Variants in DDX42 observed in about 807,000 individuals in gnomAD.
DDX42 encodes the protein DEAD-box helicase 42.
Under a neutral mutation model 101.5 loss-of-function variants are expected in DDX42, and 22 were observed. That is an observed-to-expected ratio of 0.22 (90% confidence interval 0.15 to 0.31). The LOEUF (loss-of-function observed/expected upper bound fraction) is 0.31. DDX42 is among the 10% of genes least tolerant of loss of function. DDX42 has a pLI of 1.00. For synonymous variants in DDX42, 402 were observed against 401.2 expected (o/e 1.00, Z -0.02); for missense variants, 849 against 1,199.9 (o/e 0.71, Z 4.32).
chr17:63,805,264 T>C (rs974735160), intron 7 of DDX42, 89 bp downstream of exon 7: 24 of 1,476,640 alleles, frequency 1.6e-5, no homozygotes, highest in Non-Finnish European at 2.0e-5. Flanking sequence ...TAACCTTGAA[T>C]TTCTTTTCTA....
intron 15 of DDX42, 68 bp downstream of exon 15, chr17:63,813,522 C>A: frequency 7.1e-7 from 1 of 1,416,368 alleles, no homozygotes; most frequent in Non-Finnish European, 9.7e-7. Context: ...AGTCCTGGAA[C>A]AGATAACATA....
intron 15 of DDX42, 115 bp from the exon 16 acceptor site, chr17:63,815,448 G>A: frequency 1.5e-6 from 1 of 686,102 alleles, no homozygotes; most frequent in East Asian, 2.9e-5. Context: ...GCGTAGTGCT[G>A]GCTGAAAATT....
chr17:63,811,652 T>C (rs1052427392), intron 13 of DDX42: 7 of 536,812 alleles, frequency 1.3e-5, no homozygotes, highest in African/African-American at 1.1e-4. Flanking sequence ...AATTCAGTTA[T>C]GGCTGCTTAG....
intron 16 of DDX42, chr17:63,816,064 G>A (rs1052254404): frequency 6.5e-6 from 1 of 153,172 alleles, no homozygotes. Flanking sequence ...CTAGGTAAAT[G>A]TTGCCAAAGG....
In DDX42 at chr17:63,818,845, T is replaced by C. The variant is rs1306234124; in HGVS notation, c.*447T>C. 1 of 160,522 alleles carries C rather than the reference T, an allele frequency of 6.2e-6. No individual in the cohort carries two copies. The highest frequency in any genetic ancestry group is 1.4e-5 in the Non-Finnish European group (1 of 72,044). The allele number at this position is 160,522 out of a possible 1,614,324, so 9.9% of individuals were successfully genotyped here. ...TGCAAATTCAATCCATTGAGCTAAC[T>C]GTTGGGGAGCAATTTGGTAGTTGTA... On this transcript the variant is annotated 3_prime_UTR_variant, in exon 18 of 18. Transcript: ENST00000389924.
chr17:63,792,325 TATACC>T, intron 2 of DDX42, 82 bp from the exon 3 acceptor site: 1 of 1,412,344 alleles, frequency 7.1e-7, no homozygotes, highest in Non-Finnish European at 9.7e-7. Context: ...AATAATAAGA[TATACC>T]ATAATAAAAA....
intron 7 of DDX42, 112 bp from the exon 8 acceptor site, chr17:63,806,423 A>G (rs1191238837): frequency 8.0e-7 from 1 of 1,255,238 alleles, no homozygotes; most frequent in Non-Finnish European, 1.1e-6. Flanking sequence ...ACAGACTTGT[A>G]TTTTTACTTC....
At chr17:63,801,070 C>T (rs571182798) in intron 6 of DDX42, among the ~76,000 whole-genome samples, 51 of 146,632 alleles carry the variant, frequency 3.5e-4, no homozygotes, top group African/African-American at 1.3e-3. Context: ...CTTTTTCTCT[C>T]TCTCTCTGTC....
chr17:63,777,650 A>T (rs779552993), intron 1 of DDX42, among the ~76,000 whole-genome samples: 1 of 151,754 alleles, frequency 6.6e-6, no homozygotes, highest in South Asian at 2.1e-4. Context: ...GGGTTTCAGC[A>T]TGTTAGCCAG....
chr17:63,787,451 T>C lies in DDX42; in HGVS notation c.221+181T>C, dbSNP rs149040414. 5.3e-3 allele frequency among the ~76,000 whole-genome samples: 809 copies of C among 152,344 alleles called. 5 individuals are homozygous for C. The highest frequency in any genetic ancestry group is 0.018 in the African/African-American group (739 of 41,578). ...ATCAGGTTTACTCATTTGTAAGGAA[T>C]GTAATACCTGTGGTGTTACTTATAC... On this transcript the variant is annotated intron_variant, in intron 2 of 17. Coordinates refer to ENST00000389924, the MANE Select transcript of DDX42 (RefSeq NM_203499.3).
rs1479975632 is a variant in DDX42 at position 63,818,949 on chromosome 17, C to CT, written c.*552dup. On this transcript the variant is annotated 3_prime_UTR_variant, in exon 18 of 18. Transcript: ENST00000389924. ...TCCCCAGCCAGGTTTGCATCCAGCC[C>CT]TGAGACATGTAGGAAACACCTTTCA... 6.5e-6 allele frequency: 1 copy of CT among 154,124 alleles called. No individual in the cohort carries two copies. The highest frequency in any genetic ancestry group is 2.4e-5 in the African/African-American group (1 of 41,402). The allele number at this position is 154,124 out of a possible 1,614,324, so 9.5% of individuals were successfully genotyped here.
Position 63,806,667 on chromosome 17 carries a change from TAATG to T in DDX42, c.846+16_846+19del. ...AATACAGTGCCAGGTAAGTAAAACA[TAATG>T]AAAGAAAAATAAAGTAGGGTAGTCT... On this transcript the variant is annotated intron_variant, in intron 8 of 17. Coordinates refer to ENST00000389924, the MANE Select transcript of DDX42 (RefSeq NM_203499.3). 1 of 1,592,798 alleles carries T rather than the reference TAATG, an allele frequency of 6.3e-7. No homozygotes were observed. The highest frequency in any genetic ancestry group is 8.5e-7 in the Non-Finnish European group (1 of 1,171,516).
chr17:63,815,846 T>C (rs187686076), intron 16 of DDX42, 173 bp downstream of exon 16: 174 of 371,214 alleles, frequency 4.7e-4, no homozygotes, highest in African/African-American at 3.1e-3. Context: ...ATGGTAACTT[T>C]CTATTGAAGA....
At chr17:63,790,568 C>CTGGACAACG (rs1237541523) in intron 2 of DDX42, among the ~76,000 whole-genome samples, 3 of 152,166 alleles carry the variant, frequency 2.0e-5, no homozygotes, top group Non-Finnish European at 4.4e-5. Flanking sequence ...AGAGACCAGC[C>CTGGACAACG]TGGACAACGT....
At chr17:63,784,209 A>G (rs931744508) in intron 1 of DDX42, among the ~76,000 whole-genome samples, 2 of 152,238 alleles carry the variant, frequency 1.3e-5, no homozygotes, top group African/African-American at 4.8e-5. Flanking sequence ...CGACAATGTT[A>G]CTATAATAAA....
intron 9 of DDX42, 56 bp downstream of exon 9, chr17:63,807,956 C>A: frequency 6.6e-7 from 1 of 1,522,988 alleles, no homozygotes; most frequent in South Asian, 1.3e-5. Flanking sequence ...AGGGACCAGC[C>A]AGTCAAGTGA....
At position 63,810,520 on chromosome 17, in the gene DDX42, A is replaced by G. The variant is rs752114563; in HGVS notation, c.1260A>G (p.Gln420=). 7 of 1,613,946 alleles carry G rather than the reference A, an allele frequency of 4.3e-6. No homozygotes were observed. The East Asian group carries it at 1.6e-4, about 36-fold the overall frequency. ...DRMFDMGFEY[Q]VRSIASHVRP... is the part of the protein sequence containing the mutation. ...TTGTTCTGTTTCTTGCAGAGTACCA[A>G]GTTCGATCCATAGCAAGTCATGTTC... Residue 420 remains glutamine (Q), a synonymous_variant, in exon 12 of 18, where the codon CAA becomes CAG. Coordinates refer to ENST00000389924, the MANE Select transcript of DDX42 (RefSeq NM_203499.3).
At chr17:63,808,991 G>T (rs1477698039) in intron 10 of DDX42, 43 bp downstream of exon 10, 1 of 1,600,680 alleles carries the variant, frequency 6.2e-7, no homozygotes, top group Admixed American at 1.7e-5. Context: ...GCCTCCCTCG[G>T]TATGGAAAAC....
Position 63,804,852 on chromosome 17 carries a change from A to G in DDX42, c.622-219A>G, listed in dbSNP as rs552557456. ...TGACAGAGCGAAACTGTCTCAACCA[A>G]TAAAAGAAGTAGGTTGGTGTTTATA... is the stretch of plus-strand genomic sequence containing the variant. On this transcript the variant is annotated intron_variant, in intron 6 of 17. Transcript: ENST00000389924. Among the ~76,000 whole-genome samples the G allele has an allele frequency of 5.3e-5, 8 of 152,356 alleles. No individual in the cohort carries two copies. The East Asian group carries it at 1.3e-3, about 26-fold the overall frequency.
Sources: allele counts gnomAD v4.1 joint callset (sites outside exome capture counted in the v4.1 genomes callset), GRCh38; gene constraint gnomAD v4.1.1; transcripts MANE v1.5; gene names NCBI Gene and HGNC (gene_info 2026-07-23, HGNC 2026-07-21).